CA12: variants seen among roughly 807,000 people sequenced by gnomAD.
CA12 encodes carbonic anhydrase 12.
In CA12, 36 loss-of-function variants were observed where a neutral mutation model predicts 46.8. The observed-to-expected ratio is 0.77, with a 90% CI of 0.59 to 1.02. CA12 has a LOEUF of 1.02. Ranked by LOEUF, CA12 falls within the 50% of genes least tolerant of loss-of-function variation. The probability of loss-of-function intolerance (pLI) is 0.00; values close to 1 mark genes in which losing one functional copy is unlikely to be tolerated. For synonymous variants in CA12, 202 were observed against 187.0 expected (o/e 1.08, Z -0.65); for missense variants, 436 against 451.4 (o/e 0.97, Z 0.31).
rs1485967424 is a variant in CA12 at position 63,355,897 on chromosome 15, T to A, written c.107-9188A>T. Among the ~76,000 whole-genome samples the A allele has an allele frequency of 6.6e-6, 1 of 152,124 alleles. No individual in the cohort carries two copies. Among genetic ancestry groups the A allele is most frequent in the East Asian group, 1.9e-4 (1 of 5,198 alleles). ...TGCTCTGTCTTTCTTAAACATAATA[T>A]TCAAATAGGGGGCTCCAGGCTCAGG... is the stretch of plus-strand genomic sequence containing the variant. On this transcript the variant is annotated intron_variant, in intron 2 of 10. Coordinates refer to ENST00000178638, the MANE Select transcript of CA12 (RefSeq NM_001218.5). The surrounding 1 kb of genome is among the most constrained non-coding windows in gnomAD (Gnocchi z 4.1).
rs541944836 is a variant in CA12, at chr15:63,372,737, G to T, written c.106+2921C>A. Among the ~76,000 whole-genome samples, 1 of 152,338 alleles carries T rather than the reference G, an allele frequency of 6.6e-6. No individual in the cohort carries two copies. The highest frequency in any genetic ancestry group is 1.9e-4 in the East Asian group (1 of 5,180). ...GCTGCCAGCCAGGACCTAAGGAGGAGCTAGCCAAGACCTCAGGAGGAGTTT... is the reference window on the plus strand; with the variant it reads ...GCTGCCAGCCAGGACCTAAGGAGGATCTAGCCAAGACCTCAGGAGGAGTTT... On this transcript the variant is annotated intron_variant, in intron 2 of 10. Coordinates refer to ENST00000178638, the MANE Select transcript of CA12 (RefSeq NM_001218.5). This position sits in a 1 kb window ranked among gnomAD's most constrained non-coding sequence, Gnocchi z 4.5.
chr15:63,354,636 A>T (rs139635273), intron 2 of CA12, among the ~76,000 whole-genome samples: 1 of 152,250 alleles, frequency 6.6e-6, no homozygotes, highest in African/African-American at 2.4e-5. Context: ...TAGAGGGGAC[A>T]TGAAGGCTGC....
intron 8 of CA12, among the ~76,000 whole-genome samples, chr15:63,334,645 A>G (rs2038977065): frequency 6.6e-6 from 1 of 152,168 alleles, no homozygotes; most frequent in African/African-American, 2.4e-5. Context: ...AAAGGCAACA[A>G]GAAACATAAC....
At chr15:63,346,854 C>T in intron 2 of CA12, 145 bp from the exon 3 acceptor site, 1 of 937,254 alleles carries the variant, frequency 1.1e-6, no homozygotes, top group Non-Finnish European at 1.6e-6. Flanking sequence ...AGAGTCTTGG[C>T]CTCCAGAATC....
rs2039526706 is a variant in CA12, at chr15:63,373,028, C to T, written c.106+2630G>A. Among the ~76,000 whole-genome samples the T allele has an allele frequency of 6.6e-6, 1 of 152,186 alleles. No homozygotes were observed. Among genetic ancestry groups the T allele is most frequent in the Non-Finnish European group, 1.5e-5 (1 of 68,036 alleles). On this transcript the variant is annotated intron_variant, in intron 2 of 10. Transcript: ENST00000178638. This position sits in a 1 kb window ranked among gnomAD's most constrained non-coding sequence, Gnocchi z 4.9. ...AGGTCAGTGTGGCTGCACTGAGAAG[C>T]CCGCCCTTGGCGAACACCACGTCAT...
rs1272870843 is a variant in CA12, at chr15:63,381,525, C to T, written c.85+111G>A. 1.4e-5 allele frequency: 13 copies of T among 916,634 alleles called. No homozygotes were observed. The African/African-American group carries it at 2.0e-4, about 14-fold the overall frequency. The allele number at this position is 916,634 out of a possible 1,614,324, so 56.8% of individuals were successfully genotyped here. On this transcript the variant is annotated intron_variant, in intron 1 of 10. Transcript: ENST00000178638. ...CTTGAGAATCTACTATTTGGTACTA[C>T]ACCTTCCCTGCTCCCCGCAGCAATG...
intron 8 of CA12, among the ~76,000 whole-genome samples, chr15:63,335,263 T>C (rs576815990): frequency 5.9e-5 from 9 of 152,280 alleles, no homozygotes; most frequent in African/African-American, 2.2e-4. Context: ...TGAGAAACTC[T>C]GCCCCCAGGC....
intron 2 of CA12, among the ~76,000 whole-genome samples, chr15:63,362,837 G>T (rs1234629704): frequency 1.3e-5 from 2 of 152,122 alleles, no homozygotes; most frequent in African/African-American, 2.4e-5. Flanking sequence ...TCTTAAACCT[G>T]AAGACCTTCA....
At chr15:63,352,012 G>A (rs1376149213) in intron 2 of CA12, among the ~76,000 whole-genome samples, 3 of 152,132 alleles carry the variant, frequency 2.0e-5, no homozygotes, top group Non-Finnish European at 4.4e-5. Flanking sequence ...TGTATGCGTG[G>A]TGGTTATGGT....
At chr15:63,379,432 T>C (rs2039616809) in intron 1 of CA12, among the ~76,000 whole-genome samples, 1 of 152,222 alleles carries the variant, frequency 6.6e-6, no homozygotes, top group Admixed American at 6.5e-5. Flanking sequence ...TTGCACCCCC[T>C]GGTTCCCCAC....
intron 2 of CA12, among the ~76,000 whole-genome samples, chr15:63,358,189 T>C (rs758615330): frequency 1.3e-5 from 2 of 152,246 alleles, no homozygotes; most frequent in African/African-American, 2.4e-5. Flanking sequence ...GTGTTTCTCC[T>C]GTTTGAGTTT....
chr15:63,335,203 A>T (rs1595776734), intron 8 of CA12, among the ~76,000 whole-genome samples: 1 of 151,912 alleles, frequency 6.6e-6, no homozygotes, highest in East Asian at 1.9e-4. Flanking sequence ...CACACAGGAC[A>T]CCCCCCACTG....
chr15:63,346,414 CA>C, intron 3 of CA12, 115 bp downstream of exon 3: 2 of 745,210 alleles, frequency 2.7e-6, no homozygotes, highest in African/African-American at 1.7e-5. Context: ...CGCCCCGCCC[CA>C]CCCCTCCTCC....
chr15:63,338,326 G>A (rs1327174349), intron 8 of CA12, among the ~76,000 whole-genome samples: 1 of 152,198 alleles, frequency 6.6e-6, no homozygotes, highest in African/African-American at 2.4e-5. Flanking sequence ...ATGGTTGTGG[G>A]TTACACTCAC....
At position 63,323,107 on chromosome 15, in the gene CA12, G is replaced by C. The variant is rs1452398592; in HGVS notation, c.*3178C>G. The C allele has an allele frequency of 6.6e-6, 1 of 152,214 alleles. No individual in the cohort carries two copies. Among genetic ancestry groups the C allele is most frequent in the Admixed American group, 6.5e-5 (1 of 15,286 alleles). 9.4% of individuals were successfully genotyped at this position (152,214 alleles called of 1,614,324 possible). A position where few individuals can be genotyped will look rare whatever the true frequency, so the allele number is the denominator to read the frequency against. The stretch of plus-strand genomic sequence containing the variant: ...TCAAAATAAGGTAACAGGCAACCAA[G>C]AGGGGCTGCCCACCTACTAGGTTTA... On this transcript the variant is annotated 3_prime_UTR_variant, in exon 11 of 11. Coordinates refer to ENST00000178638, the MANE Select transcript of CA12 (RefSeq NM_001218.5). This position sits in a 1 kb window ranked among gnomAD's most constrained non-coding sequence, Gnocchi z 5.1.
chr15:63,321,395 T>G lies in CA12; in HGVS notation c.*4890A>C, dbSNP rs2038789105. On this transcript the variant is annotated 3_prime_UTR_variant, in exon 11 of 11. Coordinates refer to ENST00000178638, the MANE Select transcript of CA12 (RefSeq NM_001218.5). The surrounding 1 kb of genome is among the most constrained non-coding windows in gnomAD (Gnocchi z 4.5). ...TACGCTGACCTGGTTGCAATCATTT[T>G]TATGGTGAATTATTCAATACAGCAA... 6.6e-6 allele frequency: 1 copy of G among 152,252 alleles called. No individual in the cohort carries two copies. Among genetic ancestry groups the G allele is most frequent in the South Asian group, 2.1e-4 (1 of 4,834 alleles). 9.4% of individuals were successfully genotyped at this position (152,252 alleles called of 1,614,324 possible). A position where few individuals can be genotyped will look rare whatever the true frequency, so the allele number is the denominator to read the frequency against.
chr15:63,332,861 C>T (rs1486702193), intron 8 of CA12, among the ~76,000 whole-genome samples: 1 of 152,178 alleles, frequency 6.6e-6, no homozygotes, highest in Non-Finnish European at 1.5e-5. Context: ...TATTGAGCAC[C>T]AGGCACCATG....
At position 63,378,978 on chromosome 15, in the gene CA12, C is replaced by T. The variant is rs1401277487; in HGVS notation, c.85+2658G>A. 6.6e-6 allele frequency: 1 copy of T among 152,258 alleles called. No homozygotes were observed. Among genetic ancestry groups the T allele is most frequent in the Non-Finnish European group, 1.5e-5 (1 of 68,078 alleles). 9.4% of individuals were successfully genotyped at this position (152,258 alleles called of 1,614,324 possible). On this transcript the variant is annotated intron_variant, in intron 1 of 10. Coordinates refer to ENST00000178638, the MANE Select transcript of CA12 (RefSeq NM_001218.5). The surrounding 1 kb of genome is among the most constrained non-coding windows in gnomAD (Gnocchi z 4.8). ...ATACCCTACATCTTCTGCTACCCTC[C>T]CAGGGCTCGCTAATCAAGGTTTTCC... is the stretch of plus-strand genomic sequence containing the variant.
intron 3 of CA12, among the ~76,000 whole-genome samples, chr15:63,346,206 T>C (rs1371875830): frequency 2.0e-5 from 3 of 152,126 alleles, no homozygotes; most frequent in Admixed American, 2.0e-4. Flanking sequence ...CGCCAAACTG[T>C]GTGGTTCCTT....
Sources: gnomAD v4.1 joint callset for allele counts (sites outside exome capture counted in the v4.1 genomes callset) on GRCh38, gnomAD v4.1.1 for gene constraint, Gnocchi (gnomAD v3.1) non-coding constraint, MANE v1.5 for transcripts, NCBI Gene and HGNC (gene_info 2026-07-23, HGNC 2026-07-21) for gene names.